Variants in PEBP4 observed in about 807,000 individuals in gnomAD.
PEBP4 encodes phosphatidylethanolamine binding protein 4, also known as phosphatidylethanolamine-binding protein 4.
In PEBP4, 22 loss-of-function variants were observed where a neutral mutation model predicts 23.9. That is an observed-to-expected ratio of 0.92 (90% CI 0.66 to 1.31). The LOEUF is 1.31. Among genes scored for constraint, PEBP4 ranks in the 40% most tolerant of loss-of-function variants. The probability of loss-of-function intolerance (pLI) is 0.00; values close to 1 mark genes in which losing one functional copy is unlikely to be tolerated. For missense variants in PEBP4, 324 were observed against 281.7 expected, an observed-to-expected ratio of 1.15 and a Z score of -1.07; for synonymous variants, 112 against 99.3, an observed-to-expected ratio of 1.13 and a Z score of -0.76.
chr8:22,731,184 G>A (rs1243448106), intron 4 of PEBP4, among the ~76,000 whole-genome samples: 2 of 151,904 alleles, frequency 1.3e-5, no homozygotes, highest in Non-Finnish European at 2.9e-5. Context: ...ATGTTTTTTC[G>A]ACAAAAGTTA....
intron 4 of PEBP4, among the ~76,000 whole-genome samples, chr8:22,768,062 G>A (rs1311233482): frequency 1.3e-5 from 2 of 152,080 alleles, no homozygotes; most frequent in African/African-American, 4.8e-5. Flanking sequence ...AAAGTACCTT[G>A]GAATTCCAGG....
chr8:22,713,315 C>G lies in PEBP4; in HGVS notation c.*55G>C. 1.3e-6 allele frequency: 2 copies of G among 1,517,754 alleles called. No homozygotes were observed. Among genetic ancestry groups the G allele is most frequent in the Non-Finnish European group, 1.8e-6 (2 of 1,135,382 alleles). 94.0% of individuals were successfully genotyped at this position (1,517,754 alleles called of 1,614,324 possible). On this transcript the variant is annotated 3_prime_UTR_variant, in exon 7 of 7. Coordinates refer to ENST00000256404, the MANE Select transcript of PEBP4 (RefSeq NM_144962.3). The stretch of plus-strand genomic sequence containing the variant: ...CTGTATCCAGAGGGGGTTCCATACC[C>G]ACATCGTCGGTGGTGGGCAGTGTGG...
At chr8:22,740,108 C>A (rs769948957) in intron 4 of PEBP4, among the ~76,000 whole-genome samples, 8 of 152,120 alleles carry the variant, frequency 5.3e-5, no homozygotes, top group African/African-American at 2.4e-5. Context: ...CCCTCCCCAC[C>A]AATGGGCCCA....
chr8:22,782,636 G>A (rs763206347), intron 4 of PEBP4, among the ~76,000 whole-genome samples: 12 of 152,102 alleles, frequency 7.9e-5, no homozygotes, highest in Admixed American at 2.6e-4. Flanking sequence ...AGTCTTCGAG[G>A]GGTCTGCAAA....
chr8:22,851,939 G>A (rs997652096), intron 3 of PEBP4, among the ~76,000 whole-genome samples: 1 of 152,166 alleles, frequency 6.6e-6, no homozygotes, highest in Non-Finnish European at 1.5e-5. Flanking sequence ...CCAGCGCCCA[G>A]CTGAGCCACG....
intron 4 of PEBP4, among the ~76,000 whole-genome samples, chr8:22,767,800 G>A (rs180965567): frequency 1.3e-5 from 2 of 152,014 alleles, no homozygotes; most frequent in Non-Finnish European, 2.9e-5. Flanking sequence ...TGTTGCCCAC[G>A]CTGGGCTCGG....
intron 4 of PEBP4, among the ~76,000 whole-genome samples, chr8:22,766,061 GC>G (rs1805609584): frequency 6.6e-6 from 1 of 152,260 alleles, no homozygotes; most frequent in Non-Finnish European, 1.5e-5. Flanking sequence ...GTAGACACAG[GC>G]AGCCAGCTCC....
chr8:22,865,310 G>A lies in PEBP4; in HGVS notation c.259-47575C>T, dbSNP rs1467739007. ...GCCCGGGAAGAGCGGCGGGCGGATG[G>A]GAATTACCCCGGGTCCCCCTGCGGC... On this transcript the variant is annotated intron_variant, in intron 3 of 6. Coordinates refer to ENST00000256404, the MANE Select transcript of PEBP4 (RefSeq NM_144962.3). The surrounding 1 kb of genome is among the most constrained non-coding windows in gnomAD (Gnocchi z 6.9). Among the ~76,000 whole-genome samples the A allele has an allele frequency of 1.3e-5, 2 of 151,378 alleles. No individual in the cohort carries two copies. Among genetic ancestry groups the A allele is most frequent in the African/African-American group, 4.9e-5 (2 of 41,214 alleles).
At chr8:22,912,047 T>C (rs955730390) in intron 3 of PEBP4, among the ~76,000 whole-genome samples, 7 of 151,920 alleles carry the variant, frequency 4.6e-5, no homozygotes, top group African/African-American at 1.5e-4. Context: ...GGGGGGGCGC[T>C]GTTTGATTAA....
At chr8:22,907,288 T>G (rs981044222) in intron 3 of PEBP4, among the ~76,000 whole-genome samples, 1 of 152,148 alleles carries the variant, frequency 6.6e-6, no homozygotes, top group Non-Finnish European at 1.5e-5. Flanking sequence ...GGTGAAACCC[T>G]GTCTTTACTA....
chr8:22,811,086 T>C (rs898856814), intron 4 of PEBP4, among the ~76,000 whole-genome samples: 2 of 152,174 alleles, frequency 1.3e-5, no homozygotes, highest in African/African-American at 4.8e-5. Flanking sequence ...TTTCTTTCTC[T>C]CTCTCTCTCT....
intron 4 of PEBP4, among the ~76,000 whole-genome samples, chr8:22,749,837 G>A (rs1160331874): frequency 2.2e-5 from 1 of 46,044 alleles, no homozygotes; most frequent in Non-Finnish European, 6.4e-5. Flanking sequence ...ATGGAGTTTC[G>A]CTCTTGTTGC....
intron 3 of PEBP4, chr8:22,897,937 C>T (rs1340965129): frequency 1.3e-5 from 2 of 152,094 alleles, no homozygotes; most frequent in Non-Finnish European, 2.9e-5. Context: ...AAGAAAAGAC[C>T]CCAGAGACCT....
intron 3 of PEBP4, among the ~76,000 whole-genome samples, chr8:22,900,670 A>AG (rs1808693761): frequency 6.6e-6 from 1 of 151,378 alleles, no homozygotes; most frequent in East Asian, 1.9e-4. Context: ...AAAAAAAAAA[A>AG]GATATCTTAT....
chr8:22,882,607 AT>A (rs1216135167), intron 3 of PEBP4, among the ~76,000 whole-genome samples: 1 of 152,218 alleles, frequency 6.6e-6, no homozygotes, highest in Non-Finnish European at 1.5e-5. Flanking sequence ...ATGAAGGTGT[AT>A]TAATCGTGTC....
At chr8:22,752,065 T>G (rs1227133230) in intron 4 of PEBP4, among the ~76,000 whole-genome samples, 2 of 152,176 alleles carry the variant, frequency 1.3e-5, no homozygotes, top group Non-Finnish European at 2.9e-5. Context: ...CCTGGCTAAT[T>G]TTTTTAAAAA....
intron 4 of PEBP4, among the ~76,000 whole-genome samples, chr8:22,789,118 AT>A (rs929165275): frequency 1.7e-4 from 26 of 152,166 alleles, no homozygotes; most frequent in Non-Finnish European, 2.8e-4. Flanking sequence ...AATTAATGTC[AT>A]TTTTTTTCTT....
intron 3 of PEBP4, among the ~76,000 whole-genome samples, chr8:22,854,012 A>G (rs1267101834): frequency 6.6e-6 from 1 of 152,236 alleles, no homozygotes; most frequent in Non-Finnish European, 1.5e-5. Flanking sequence ...AGAAATTCAT[A>G]TAAGAGAAAA....
chr8:22,748,698 T>C (rs1805182333), intron 4 of PEBP4, among the ~76,000 whole-genome samples: 1 of 151,830 alleles, frequency 6.6e-6, no homozygotes, highest in East Asian at 1.9e-4. Context: ...GGAACAGCTT[T>C]TGGTAGTCTT....
Sources: gnomAD v4.1 joint callset for allele counts (sites outside exome capture counted in the v4.1 genomes callset) on GRCh38, gnomAD v4.1.1 for gene constraint, Gnocchi (gnomAD v3.1) non-coding constraint, MANE v1.5 for transcripts, NCBI Gene and HGNC (gene_info 2026-07-23, HGNC 2026-07-21) for gene names.